Variants in SLC24A3 observed in about 807,000 individuals in gnomAD.
SLC24A3 encodes sodium/potassium/calcium exchanger 3.
In SLC24A3, 28 loss-of-function variants were observed where a neutral mutation model predicts 75.8. The observed-to-expected ratio is 0.37, with a 90% CI of 0.27 to 0.51. The LOEUF is 0.51. Ranked by LOEUF, SLC24A3 falls within the 20% of genes least tolerant of loss-of-function variation. SLC24A3 has a pLI of 0.94. For synonymous variants in SLC24A3, 372 were observed against 334.1 expected (o/e 1.11, Z -1.24); for missense variants, 663 against 847.8 (o/e 0.78, Z 2.71).
intron 2 of SLC24A3, among the ~76,000 whole-genome samples, chr20:19,464,834 T>C (rs1224896597): frequency 1.3e-5 from 2 of 152,194 alleles, no homozygotes; most frequent in Non-Finnish European, 2.9e-5. Flanking sequence ...AGTACGATCA[T>C]GGGTATACTT....
At chr20:19,610,916 C>T (rs981372208) in intron 6 of SLC24A3, among the ~76,000 whole-genome samples, 1 of 152,216 alleles carries the variant, frequency 6.6e-6, no homozygotes, top group Admixed American at 6.5e-5. Flanking sequence ...GCACTGGAAG[C>T]TGGAAGTCCA....
At position 19,721,209 on chromosome 20, in the gene SLC24A3, G is replaced by A. The variant is rs761956321; in HGVS notation, c.*69G>A. On this transcript the variant is annotated 3_prime_UTR_variant, in exon 17 of 17. Transcript: ENST00000328041. ...AATACGAGACCCGGCCGCACCCCGA[G>A]TCACACAGGCCCCCGGGGCCACGGC... The A allele has an allele frequency of 6.6e-5, 104 of 1,585,002 alleles. No homozygotes were observed. Among genetic ancestry groups the A allele is most frequent in the Non-Finnish European group, 8.6e-5 (100 of 1,166,822 alleles).
chr20:19,246,344 A>G (rs1982482505), intron 1 of SLC24A3, among the ~76,000 whole-genome samples: 1 of 152,176 alleles, frequency 6.6e-6, no homozygotes. Context: ...GAAAACAGCT[A>G]TTATCAGTGG....
chr20:19,505,567 C>G (rs1435427468), intron 2 of SLC24A3, among the ~76,000 whole-genome samples: 1 of 152,112 alleles, frequency 6.6e-6, no homozygotes, highest in Non-Finnish European at 1.5e-5. Context: ...GACAACGAGA[C>G]AATGACAGAT....
At chr20:19,487,329 C>T (rs1988144052) in intron 2 of SLC24A3, among the ~76,000 whole-genome samples, 1 of 152,114 alleles carries the variant, frequency 6.6e-6, no homozygotes, top group Non-Finnish European at 1.5e-5. Flanking sequence ...GTTTTCTTAC[C>T]ACCTTCATTC....
chr20:19,572,772 G>C (rs911854172), intron 3 of SLC24A3, among the ~76,000 whole-genome samples: 6 of 152,126 alleles, frequency 3.9e-5, no homozygotes, highest in Non-Finnish European at 5.9e-5. Flanking sequence ...ATCAATGAAT[G>C]GTTCCAGAAC....
rs2032732171 is a variant in SLC24A3 at position 19,690,419 on chromosome 20, A to AT, written c.1325-2833dup. Reference sequence around the variant, plus strand: ...TCTTGCACTCGTAAATTCTGACTTCATTTTTTTCTTCCCTCTTTTTTTTTA... The same window carrying AT: ...TCTTGCACTCGTAAATTCTGACTTCATTTTTTTTCTTCCCTCTTTTTTTTTA... On this transcript the variant is annotated intron_variant, in intron 12 of 16. Coordinates refer to ENST00000328041, the MANE Select transcript of SLC24A3 (RefSeq NM_020689.4). Among the ~76,000 whole-genome samples the AT allele has an allele frequency of 2.0e-5, 3 of 152,138 alleles. No individual in the cohort carries two copies. In the South Asian group the frequency reaches 6.2e-4, roughly 32 times the overall value.
chr20:19,299,674 G>C (rs1984150673), intron 2 of SLC24A3, among the ~76,000 whole-genome samples: 1 of 152,194 alleles, frequency 6.6e-6, no homozygotes, highest in Non-Finnish European at 1.5e-5. Flanking sequence ...GCAGAGAGGA[G>C]ACTCCATTTG....
At chr20:19,422,975 G>T (rs373148158) in intron 2 of SLC24A3, among the ~76,000 whole-genome samples, 3 of 152,304 alleles carry the variant, frequency 2.0e-5, no homozygotes, top group East Asian at 3.9e-4. Context: ...TCACCTCCTG[G>T]CCATAAAACT....
chr20:19,648,962 T>G (rs1382399068), intron 6 of SLC24A3, among the ~76,000 whole-genome samples: 5 of 152,214 alleles, frequency 3.3e-5, no homozygotes, highest in African/African-American at 1.2e-4. Flanking sequence ...GCTTCTGTAA[T>G]CTGCACCATC....
At chr20:19,604,438 C>T (rs112414753) in intron 6 of SLC24A3, among the ~76,000 whole-genome samples, 1,772 of 152,248 alleles carry the variant, frequency 0.012, 40 homozygotes, top group African/African-American at 0.04. Flanking sequence ...GAAAGAAGAC[C>T]GCTGATGCTG....
intron 2 of SLC24A3, among the ~76,000 whole-genome samples, chr20:19,313,469 CCT>C (rs1984510852): frequency 6.6e-6 from 1 of 152,172 alleles, no homozygotes; most frequent in Non-Finnish European, 1.5e-5. Context: ...GTGTCTGGTT[CCT>C]CCCCTGTTTG....
At chr20:19,262,167 G>C (rs961205580) in intron 1 of SLC24A3, among the ~76,000 whole-genome samples, 27 of 152,220 alleles carry the variant, frequency 1.8e-4, no homozygotes, top group African/African-American at 6.3e-4. Context: ...ACTTTGGGAG[G>C]CCGAGGCGGG....
intron 1 of SLC24A3, among the ~76,000 whole-genome samples, chr20:19,248,422 C>T (rs550887598): frequency 6.6e-6 from 1 of 152,110 alleles, no homozygotes; most frequent in Admixed American, 6.6e-5. Flanking sequence ...TCTTTAAAAA[C>T]TCTCTTAGTA....
chr20:19,698,534 C>G (rs755029961), intron 14 of SLC24A3, 34 bp from the exon 15 acceptor site: 2 of 1,536,996 alleles, frequency 1.3e-6, no homozygotes, highest in Middle Eastern at 1.7e-4. Flanking sequence ...CCTGGGTTCC[C>G]TTCCCTCTCT....
intron 15 of SLC24A3, among the ~76,000 whole-genome samples, chr20:19,703,612 C>T (rs1436957652): frequency 6.6e-6 from 1 of 152,078 alleles, no homozygotes; most frequent in African/African-American, 2.4e-5. Context: ...ATCTCATATC[C>T]TCTAGGATAA....
At chr20:19,356,423 A>G (rs1985682520) in intron 2 of SLC24A3, among the ~76,000 whole-genome samples, 1 of 152,192 alleles carries the variant, frequency 6.6e-6, no homozygotes, top group Non-Finnish European at 1.5e-5. Flanking sequence ...TTAAACTTTG[A>G]GTGAATGAGA....
chr20:19,566,465 C>A (rs932049765), intron 3 of SLC24A3, among the ~76,000 whole-genome samples: 1 of 152,184 alleles, frequency 6.6e-6, no homozygotes, highest in South Asian at 2.1e-4. Context: ...ACCAGGGACT[C>A]CCACACTTCT....
chr20:19,497,195 C>A (rs1022702060), intron 2 of SLC24A3, among the ~76,000 whole-genome samples: 1 of 152,210 alleles, frequency 6.6e-6, no homozygotes, highest in Non-Finnish European at 1.5e-5. Context: ...TGAGTCAGCT[C>A]CCAGCTCATT....
Sources: gnomAD v4.1 joint callset for allele counts (sites outside exome capture counted in the v4.1 genomes callset) on GRCh38, gnomAD v4.1.1 for gene constraint, MANE v1.5 for transcripts, NCBI Gene and HGNC (gene_info 2026-07-23, HGNC 2026-07-21) for gene names.